BPIFB4: variants seen among roughly 807,000 people sequenced by gnomAD.
BPIFB4 encodes the protein BPI fold containing family B member 4.
BPIFB4 carries 62 observed loss-of-function variants against 69.2 expected under a neutral mutation model. The observed-to-expected ratio is 0.90, with a 90% CI of 0.73 to 1.11. The LOEUF is 1.11. BPIFB4 is among the 50% of genes least tolerant of loss of function. The pLI is 0.00. For synonymous variants in BPIFB4, 330 were observed against 332.7 expected, an observed-to-expected ratio of 0.99 and a Z score of 0.09; for missense variants, 789 against 792.0, an observed-to-expected ratio of 1.00 and a Z score of 0.04.
At chr20:33,106,012 G>A (rs1017636431) in intron 16 of BPIFB4, among the ~76,000 whole-genome samples, 3 of 152,172 alleles carry the variant, frequency 2.0e-5, no homozygotes, top group Admixed American at 1.3e-4. Flanking sequence ...TGCAAAAAGC[G>A]TTCCATGGCC....
intron 2 of BPIFB4, among the ~76,000 whole-genome samples, chr20:33,081,103 A>G (rs896315070): frequency 6.6e-6 from 1 of 152,150 alleles, no homozygotes; most frequent in African/African-American, 2.4e-5. Flanking sequence ...AGATGAGTAG[A>G]TGGGTGAGTG....
Position 33,086,599 on chromosome 20 carries a change from G to A in BPIFB4, c.926+435G>A, listed in dbSNP as rs186762463. On this transcript the variant is annotated intron_variant, in intron 7 of 17. Transcript: ENST00000375483. ...GGTAATTCTTTTTCCTTCAGGAATT[G>A]AGATAAGGAATGGAAAACACTTAGT... Among the ~76,000 whole-genome samples the A allele has an allele frequency of 3.9e-5, 6 of 152,258 alleles. No individual in the cohort carries two copies. The East Asian group carries it at 1.2e-3, about 29-fold the overall frequency.
chr20:33,083,544 G>A lies in BPIFB4; in HGVS notation c.347G>A (p.Arg116Lys). The A allele has an allele frequency of 6.2e-7, 1 of 1,614,030 alleles. No homozygotes were observed. Among genetic ancestry groups the A allele is most frequent in the Non-Finnish European group, 8.5e-7 (1 of 1,179,974 alleles). ...ATCCTTGAGTCCGAGGGAAGCATCA[G>A]GGACCTCCGAAACAGTGGCTATCGC... Reference protein sequence around the residue: ...GEILESEGSIRDLRNSGYRSA... With the variant: ...GEILESEGSIKDLRNSGYRSA... The change falls in exon 5 of 18, where the codon AGG (arginine) becomes AAG (lysine). Residue 116 changes from arginine (R) to lysine (K), a missense_variant. Arg to Lys is a conservative substitution (Grantham distance 26). Transcript: ENST00000375483.
At chr20:33,085,670 G>A (rs1981401985) in intron 6 of BPIFB4, among the ~76,000 whole-genome samples, 1 of 152,174 alleles carries the variant, frequency 6.6e-6, no homozygotes, top group African/African-American at 2.4e-5. Flanking sequence ...CCTGGAATAG[G>A]GCCTTCCATG....
At position 33,092,532 on chromosome 20, in the gene BPIFB4, G is replaced by T; in HGVS notation, c.1218G>T (p.Met406Ile). ...LGWPAVSPKP[M>I]PELPPMGDNT... The stretch of plus-strand genomic sequence containing the variant: ...GGCCAGCTGTGTCTCCCAAGCCGAT[G>T]CCAGAGCTGCCTCCCATGGGTGACA... Residue 406 changes from methionine to isoleucine, a missense_variant, in exon 11 of 18, where the codon ATG becomes ATT. By Grantham distance (10) the Met-to-Ile change is conservative (BLOSUM62 1). This residue lies in a region of BPIFB4 where 611 missense variants were observed against 575.4 expected (regional missense o/e 1.06). Transcript: ENST00000375483. 13 of 1,614,138 alleles carry T rather than the reference G, an allele frequency of 8.1e-6. No individual in the cohort carries two copies. The highest frequency in any genetic ancestry group is 1.1e-5 in the Non-Finnish European group (13 of 1,180,032).
rs1259274962 is a variant in BPIFB4, at chr20:33,083,377, T to C, written c.180T>C (p.Asp60=). 13 of 1,613,062 alleles carry C rather than the reference T, an allele frequency of 8.1e-6. No homozygotes were observed. In the East Asian group the frequency reaches 2.9e-4, roughly 36 times the overall value. Residue 60 remains aspartate (D), a synonymous_variant, in exon 5 of 18, where the codon GAT becomes GAC. Transcript: ENST00000375483. The part of the protein sequence containing the change: ...ALREVPLGVG[D]IPYNDFHVRG... ...TTGAATTCCCCCGAGGTGTTGGTGA[T>C]ATTCCCTACAATGACTTCCATGTCC...
chr20:33,109,179 C>A (rs988924771), intron 17 of BPIFB4, among the ~76,000 whole-genome samples: 1 of 152,160 alleles, frequency 6.6e-6, no homozygotes, highest in African/African-American at 2.4e-5. Flanking sequence ...ATGGCCACCT[C>A]ATACAGTTTG....
In BPIFB4 at chr20:33,098,660, G is replaced by T. The variant is rs185935013; in HGVS notation, c.1569+873G>T. 1.6e-3 allele frequency among the ~76,000 whole-genome samples: 240 copies of T among 150,690 alleles called. 1 individual carries two copies. Among genetic ancestry groups the T allele is most frequent in the Non-Finnish European group, 2.6e-3 (179 of 67,888 alleles). On this transcript the variant is annotated intron_variant, in intron 13 of 17. Transcript: ENST00000375483. ...CTCGGGAGGCTGAGGCACGAGAATCGCTTGAACCTGGGAGGCGGAGGCTGC... is the reference window on the plus strand; with the variant it reads ...CTCGGGAGGCTGAGGCACGAGAATCTCTTGAACCTGGGAGGCGGAGGCTGC...
At chr20:33,083,939 C>A in intron 5 of BPIFB4, 65 bp downstream of exon 5, 1 of 1,509,204 alleles carries the variant, frequency 6.6e-7, no homozygotes, top group Non-Finnish European at 8.8e-7. Context: ...TGATCACTCC[C>A]TGAAGCTGGG....
At position 33,097,788 on chromosome 20, in the gene BPIFB4, GTGAGTGTC is replaced by G. The variant is rs1276012339; in HGVS notation, c.1569+4_1569+11del. The G allele has an allele frequency of 3.1e-6, 5 of 1,609,320 alleles. No individual in the cohort carries two copies. Among genetic ancestry groups the G allele is most frequent in the Non-Finnish European group, 4.2e-6 (5 of 1,177,660 alleles). The stretch of plus-strand genomic sequence containing the variant: ...GACTACCATCTGCCTCATTGACGTG[GTGAGTGTC>G]TGGAGGTACTGGTGGCCTCCAGCTG... On this transcript the variant is annotated splice_donor_variant and splice_donor_5th_base_variant and intron_variant, in intron 13 of 17. Coordinates refer to ENST00000375483, the MANE Select transcript of BPIFB4 (RefSeq NM_182519.3). LOFTEE classifies it high-confidence loss of function.
chr20:33,109,302 C>T (rs1245434950), intron 17 of BPIFB4, among the ~76,000 whole-genome samples: 6 of 152,192 alleles, frequency 3.9e-5, no homozygotes, highest in African/African-American at 1.2e-4. Flanking sequence ...TCATCATCAT[C>T]ATCATCATCA....
intron 14 of BPIFB4, among the ~76,000 whole-genome samples, chr20:33,101,687 A>G (rs991755552): frequency 2.6e-5 from 4 of 152,096 alleles, no homozygotes; most frequent in Non-Finnish European, 5.9e-5. Context: ...CTGAGATTAC[A>G]GGCATGCACC....
rs528708945 is a variant in BPIFB4, at chr20:33,102,869, T to A, written c.1638-103T>A. The stretch of plus-strand genomic sequence containing the variant: ...TTAAATCCCTGCAGGTGGAGAGTGA[T>A]CGTGAGGATAGTGGAGGGGCTTCTC... On this transcript the variant is annotated intron_variant, in intron 14 of 17. Coordinates refer to ENST00000375483, the MANE Select transcript of BPIFB4 (RefSeq NM_182519.3). The A allele has an allele frequency of 2.6e-5, 30 of 1,149,880 alleles. No individual in the cohort carries two copies. In the South Asian group the frequency reaches 3.7e-4, roughly 14 times the overall value. The allele number at this position is 1,149,880 out of a possible 1,614,324, so 71.2% of individuals were successfully genotyped here.
intron 16 of BPIFB4, among the ~76,000 whole-genome samples, chr20:33,107,523 C>T (rs936709940): frequency 1.3e-5 from 2 of 152,090 alleles, no homozygotes; most frequent in Admixed American, 6.5e-5. Context: ...ATAATCCCAG[C>T]TACTTGGGAG....
chr20:33,101,127 A>G (rs1012333240), intron 14 of BPIFB4, among the ~76,000 whole-genome samples: 1 of 152,164 alleles, frequency 6.6e-6, no homozygotes, highest in African/African-American at 2.4e-5. Context: ...GCTCTGCTCT[A>G]TGTACTTGAA....
At chr20:33,104,926 G>A (rs958858968) in intron 16 of BPIFB4, 53 bp downstream of exon 16, 75 of 1,559,484 alleles carry the variant, frequency 4.8e-5, no homozygotes, top group Middle Eastern at 3.3e-4. Flanking sequence ...GGTACTGGGG[G>A]ATACTGGCTT....
rs1243376507 is a variant in BPIFB4, at chr20:33,081,585, A to G, written c.59A>G (p.His20Arg). The G allele has an allele frequency of 2.6e-6, 4 of 1,551,742 alleles. No homozygotes were observed. The highest frequency in any genetic ancestry group is 3.5e-6 in the Non-Finnish European group (4 of 1,147,006). ...LSVVAVCGTS[H>R]ETNTVLRVTK... ...GTGGTGGCTGTGTGTGGCACCAGCC[A>G]CGAGACAAACACGGTCCTCAGGGTG... Residue 20 changes from histidine to arginine, a missense_variant, in exon 3 of 18, where the codon CAC (histidine) becomes CGC (arginine). His to Arg is a conservative substitution (Grantham distance 29). Transcript: ENST00000375483.
intron 16 of BPIFB4, among the ~76,000 whole-genome samples, chr20:33,107,070 G>A (rs1470999889): frequency 1.3e-5 from 2 of 152,140 alleles, no homozygotes; most frequent in Non-Finnish European, 2.9e-5. Context: ...TGGGCGTGGT[G>A]GCGCACGCCT....
At chr20:33,101,076 CGAG>C (rs1225985043) in intron 14 of BPIFB4, among the ~76,000 whole-genome samples, 3 of 151,576 alleles carry the variant, frequency 2.0e-5, no homozygotes, top group South Asian at 2.1e-4. Context: ...AGGAGGAGGA[CGAG>C]GAGGAGGAGG....
Sources: gnomAD v4.1 joint callset for allele counts (sites outside exome capture counted in the v4.1 genomes callset) on GRCh38, gnomAD v4.1.1 for gene constraint, gnomAD v4.1.1 regional missense constraint, MANE v1.5 for transcripts, NCBI Gene and HGNC (gene_info 2026-07-23, HGNC 2026-07-21) for gene names.